The following MIB1 variants were observed in gnomAD, a reference collection of about 807,000 sequenced individuals.
The protein encoded by MIB1 is MIB E3 ubiquitin protein ligase 1, also known as E3 ubiquitin-protein ligase MIB1.
MIB1 carries 278 observed loss-of-function variants against 124.5 expected under a neutral mutation model. The ratio of observed to expected loss-of-function variants is 2.23; its 90% CI spans 2.02 to 2.47. The LOEUF is 2.47. MIB1 is among the 30% of genes most tolerant of loss of function. The pLI is 0.00. For synonymous variants in MIB1, 446 were observed against 429.4 expected (o/e 1.04, Z -0.48); for missense variants, 957 against 1,254.4 (o/e 0.76, Z 3.58).
At chr18:21,734,775 C>T (rs987708950) in intron 1 of MIB1, among the ~76,000 whole-genome samples, 16 of 151,856 alleles carry the variant, frequency 1.1e-4, no homozygotes, top group Admixed American at 2.0e-4. Flanking sequence ...ATGATCCATC[C>T]GCCTCGGCCT....
intron 20 of MIB1, among the ~76,000 whole-genome samples, chr18:21,859,418 G>T (rs1468655099): frequency 6.7e-6 from 1 of 150,142 alleles, no homozygotes; most frequent in Admixed American, 6.6e-5. Flanking sequence ...GTCAAGGATA[G>T]TGGTTTTCTT....
chr18:21,843,316 A>C, intron 14 of MIB1, 99 bp downstream of exon 14: 1 of 713,556 alleles, frequency 1.4e-6, no homozygotes, highest in Non-Finnish European at 2.2e-6. Flanking sequence ...TACATGTCTC[A>C]AGCTGGCATA....
At position 21,870,342 on chromosome 18, in the gene MIB1, A is replaced by G. The variant is rs14062; in HGVS notation, c.*5676A>G. 79,907 of 151,990 alleles carry G rather than the reference A, an allele frequency of 0.53. 24,133 individuals are homozygous for G. The highest frequency in any genetic ancestry group is 0.67 in the Non-Finnish European group (45,632 of 67,906). The allele number at this position is 151,990 out of a possible 1,614,324, so 9.4% of individuals were successfully genotyped here. On this transcript the variant is annotated 3_prime_UTR_variant, in exon 21 of 21. Transcript: ENST00000261537. The stretch of plus-strand genomic sequence containing the variant: ...AGGATGTACATCTTCAATTCAGCAT[A>G]AGTGTCCACATCTAGAAGGCTCTCA...
At chr18:21,828,543 A>G (rs2041948072) in intron 12 of MIB1, 7 of 152,040 alleles carry the variant, frequency 4.6e-5, no homozygotes, top group Admixed American at 4.6e-4. Context: ...GAAATAGCTT[A>G]TTATGTGAAT....
Position 21,864,531 on chromosome 18 carries a change from G to A in MIB1, c.2886G>A (p.Met962Ile). The A allele has an allele frequency of 6.2e-7, 1 of 1,611,464 alleles. No individual in the cohort carries two copies. The highest frequency in any genetic ancestry group is 8.5e-7 in the Non-Finnish European group (1 of 1,177,960). The change falls in exon 21 of 21, where the codon ATG becomes ATA. Residue 962 changes from methionine (M) to isoleucine (I), a missense_variant. Coordinates refer to ENST00000261537, the MANE Select transcript of MIB1 (RefSeq NM_020774.4). ...TTTGTTATCTCACATTACAGACAAT[G>A]TGCCCTGTGTGTCTAGATCGTCTGA... ...QQLQDIKEQTMCPVCLDRLKN... is the reference protein window; with the variant it reads ...QQLQDIKEQTICPVCLDRLKN...
In MIB1 at chr18:21,867,809, T is replaced by A. The variant is rs2042330674; in HGVS notation, c.*3143T>A. On this transcript the variant is annotated 3_prime_UTR_variant, in exon 21 of 21. Transcript: ENST00000261537. ...ACATACTGTCTATGTGTTGCCCAAT[T>A]GCTGTTTGTCCACTCTGAATTCTGG... 1 of 152,552 alleles carries A rather than the reference T, an allele frequency of 6.6e-6. No individual in the cohort carries two copies. The highest frequency in any genetic ancestry group is 6.5e-5 in the Admixed American group (1 of 15,272). 9.4% of individuals were successfully genotyped at this position (152,552 alleles called of 1,614,324 possible). A position where few individuals can be genotyped will look rare whatever the true frequency, so the allele number is the denominator to read the frequency against.
In MIB1 at chr18:21,799,819, A is replaced by G. The variant is rs538109323; in HGVS notation, c.1238-22A>G. The stretch of plus-strand genomic sequence containing the variant: ...AGGTTTGAGATCCTCCTATATTAGC[A>G]GCTTTATTTGATGCTTTACAGAAAG... On this transcript the variant is annotated intron_variant, in intron 8 of 20. Coordinates refer to ENST00000261537, the MANE Select transcript of MIB1 (RefSeq NM_020774.4). 5 of 1,600,408 alleles carry G rather than the reference A, an allele frequency of 3.1e-6. No individual in the cohort carries two copies. In the Admixed American group the frequency reaches 6.8e-5, roughly 22 times the overall value.
At position 21,857,252 on chromosome 18, in the gene MIB1, A is replaced by G; in HGVS notation, c.2779+9A>G. ...TGCCACTGATGATATCTGTAAGTCG[A>G]TTGTCTTAAGCATTTTCATATTTTG... is the stretch of plus-strand genomic sequence containing the variant. On this transcript the variant is annotated intron_variant, in intron 19 of 20. Transcript: ENST00000261537. The G allele has an allele frequency of 6.3e-7, 1 of 1,593,236 alleles. No individual in the cohort carries two copies. Among genetic ancestry groups the G allele is most frequent in the Non-Finnish European group, 8.6e-7 (1 of 1,161,068 alleles).
intron 18 of MIB1, among the ~76,000 whole-genome samples, chr18:21,855,673 C>T (rs2146517894): frequency 6.6e-6 from 1 of 152,264 alleles, no homozygotes; most frequent in South Asian, 2.1e-4. Context: ...CAGCAGTGTG[C>T]ATGGCAAACT....
chr18:21,739,612 T>C (rs1488647681), upstream of MIB1, among the ~76,000 whole-genome samples: 1 of 152,128 alleles, frequency 6.6e-6, no homozygotes, highest in East Asian at 1.9e-4. Flanking sequence ...TCAAGTTGGC[T>C]TTATCCCTGG....
chr18:21,762,010 T>A (rs2041103811), intron 1 of MIB1, among the ~76,000 whole-genome samples: 2 of 152,204 alleles, frequency 1.3e-5, no homozygotes, highest in African/African-American at 4.8e-5. Context: ...TTTTGTTCTG[T>A]ATGCTTTTGA....
chr18:21,825,203 T>C lies in MIB1; in HGVS notation c.1829+5557T>C, dbSNP rs533902178. 9.7e-4 allele frequency among the ~76,000 whole-genome samples: 147 copies of C among 152,206 alleles called. 8 individuals carry two copies. In the South Asian group the frequency reaches 0.029, roughly 30 times the overall value. ...CCTTACCTGCTAACATTCAGGTAAA[T>C]AGCGGTAAAATTAAAGGCCAATACT... On this transcript the variant is annotated intron_variant, in intron 12 of 20. Coordinates refer to ENST00000261537, the MANE Select transcript of MIB1 (RefSeq NM_020774.4).
In MIB1 at chr18:21,865,446, A is replaced by C. The variant is rs1440432899; in HGVS notation, c.*780A>C. Reference sequence around the variant, plus strand: ...GGCCACTAACAGTTGCCTTTCTTACATTAATTTATACACTATTTTGTTCAG... The same window carrying C: ...GGCCACTAACAGTTGCCTTTCTTACCTTAATTTATACACTATTTTGTTCAG... On this transcript the variant is annotated 3_prime_UTR_variant, in exon 21 of 21. Coordinates refer to ENST00000261537, the MANE Select transcript of MIB1 (RefSeq NM_020774.4). 6.6e-6 allele frequency: 1 copy of C among 152,114 alleles called. No homozygotes were observed. Among genetic ancestry groups the C allele is most frequent in the East Asian group, 1.9e-4 (1 of 5,194 alleles). 9.4% of individuals were successfully genotyped at this position (152,114 alleles called of 1,614,324 possible).
chr18:21,856,584 G>A (rs1043846377), intron 18 of MIB1, among the ~76,000 whole-genome samples: 2 of 152,120 alleles, frequency 1.3e-5, no homozygotes, highest in Non-Finnish European at 2.9e-5. Context: ...GGGGGAGAGA[G>A]AGCATTAGGA....
chr18:21,844,401 C>CT, intron 15 of MIB1, 148 bp downstream of exon 15: 14 of 796,830 alleles, frequency 1.8e-5, no homozygotes, highest in Non-Finnish European at 2.6e-5. Flanking sequence ...TAGTACTAGT[C>CT]AGTACTAACT....
chr18:21,780,852 T>C (rs976403277), intron 6 of MIB1, among the ~76,000 whole-genome samples: 3 of 152,232 alleles, frequency 2.0e-5, no homozygotes, highest in Non-Finnish European at 4.4e-5. Context: ...CAAATCTCTC[T>C]TTGACATACT....
chr18:21,759,484 G>T (rs1280161843), intron 1 of MIB1, among the ~76,000 whole-genome samples: 1 of 151,832 alleles, frequency 6.6e-6, no homozygotes, highest in Admixed American at 6.6e-5. Flanking sequence ...CTCTTGATCC[G>T]CCTGCCTCGG....
chr18:21,786,306 C>T (rs182642218), intron 6 of MIB1, among the ~76,000 whole-genome samples: 113 of 152,204 alleles, frequency 7.4e-4, no homozygotes, highest in African/African-American at 2.6e-3. Flanking sequence ...ACCATGTTAG[C>T]GAAGATGGTC....
At chr18:21,803,706 T>C (rs1265728929) in intron 9 of MIB1, 5 of 424,604 alleles carry the variant, frequency 1.2e-5, no homozygotes, top group African/African-American at 1.0e-4. Flanking sequence ...ACAATGAAAC[T>C]TTTGTTTTTT....
Sources: gnomAD v4.1 joint callset for allele counts (sites outside exome capture counted in the v4.1 genomes callset) on GRCh38, gnomAD v4.1.1 for gene constraint, MANE v1.5 for transcripts, NCBI Gene and HGNC (gene_info 2026-07-23, HGNC 2026-07-21) for gene names.